Variants in EPHB1 observed in about 807,000 individuals in gnomAD.
EPHB1 encodes the protein ephrin type-B receptor 1.
In EPHB1, 30 loss-of-function variants were observed where a neutral mutation model predicts 94.4. The observed-to-expected ratio is 0.32, with a 90% CI of 0.24 to 0.43. EPHB1 has a LOEUF of 0.43. Among genes scored for constraint, EPHB1 ranks in the 20% least tolerant of loss-of-function variants. The pLI, the probability that EPHB1 is intolerant of heterozygous loss-of-function variation, is 1.00. For synonymous variants in EPHB1, 522 were observed against 489.1 expected, an observed-to-expected ratio of 1.07 and a Z score of -0.89; for missense variants, 1,055 against 1,308.3, an observed-to-expected ratio of 0.81 and a Z score of 2.99.
At chr3:135,244,084 C>G (rs565447295) in intron 13 of EPHB1, among the ~76,000 whole-genome samples, 1 of 152,308 alleles carries the variant, frequency 6.6e-6, no homozygotes, top group East Asian at 1.9e-4. Context: ...AGGAGGGGCT[C>G]TGCCCACTTC....
chr3:135,213,793 T>G (rs1943081791), intron 12 of EPHB1, among the ~76,000 whole-genome samples: 1 of 152,162 alleles, frequency 6.6e-6, no homozygotes, highest in Non-Finnish European at 1.5e-5. Context: ...TAATTTTCCC[T>G]TCTTAGTATT....
chr3:135,236,462 C>G (rs1367932222), intron 12 of EPHB1, among the ~76,000 whole-genome samples: 1 of 152,092 alleles, frequency 6.6e-6, no homozygotes, highest in Non-Finnish European at 1.5e-5. Flanking sequence ...TTCAACATGT[C>G]TTTTGTGGGG....
chr3:134,980,168 C>T (rs1934350799), intron 3 of EPHB1, among the ~76,000 whole-genome samples: 1 of 152,108 alleles, frequency 6.6e-6, no homozygotes, highest in African/African-American at 2.4e-5. Context: ...TGCATGGTAC[C>T]TGGACTGAGA....
chr3:134,975,609 C>G (rs1467101075), intron 3 of EPHB1, among the ~76,000 whole-genome samples: 1 of 152,112 alleles, frequency 6.6e-6, no homozygotes, highest in Non-Finnish European at 1.5e-5. Context: ...GAGGGCTTTG[C>G]TTACATGATC....
At chr3:134,935,469 A>C (rs1374833619) in intron 2 of EPHB1, among the ~76,000 whole-genome samples, 1 of 152,264 alleles carries the variant, frequency 6.6e-6, no homozygotes, top group African/African-American at 2.4e-5. Flanking sequence ...ATGAAGGATC[A>C]TGCCCAGGAT....
intron 1 of EPHB1, among the ~76,000 whole-genome samples, chr3:134,847,802 G>A (rs1322076515): frequency 6.6e-6 from 1 of 152,156 alleles, no homozygotes; most frequent in African/African-American, 2.4e-5. Flanking sequence ...CATAAGTGTT[G>A]TGTTTTTAAA....
chr3:134,812,676 C>T (rs1185540883), intron 1 of EPHB1, among the ~76,000 whole-genome samples: 1 of 152,212 alleles, frequency 6.6e-6, no homozygotes, highest in East Asian at 1.9e-4. Context: ...TGGTAAGATA[C>T]TGCCAGTCTG....
At chr3:135,041,865 G>C (rs1022781934) in intron 3 of EPHB1, among the ~76,000 whole-genome samples, 2 of 151,786 alleles carry the variant, frequency 1.3e-5, no homozygotes, top group Non-Finnish European at 2.9e-5. Flanking sequence ...GATGGGCAAA[G>C]AGAGGGCACC....
At chr3:135,085,125 C>T (rs577903736) in intron 3 of EPHB1, among the ~76,000 whole-genome samples, 2 of 152,294 alleles carry the variant, frequency 1.3e-5, no homozygotes, top group African/African-American at 4.8e-5. Context: ...GGGCCACTGG[C>T]TTTAATAATA....
intron 1 of EPHB1, among the ~76,000 whole-genome samples, chr3:134,894,867 A>G (rs2038057128): frequency 6.6e-6 from 1 of 152,140 alleles, no homozygotes. Context: ...TTATTCCCCT[A>G]ACTGGTGTTT....
Position 135,259,072 on chromosome 3 carries a change from T to C in EPHB1, c.2907T>C (p.Ile969=). 1 of 1,610,958 alleles carries C rather than the reference T, an allele frequency of 6.2e-7. No homozygotes were observed. Among genetic ancestry groups the C allele is most frequent in the South Asian group, 1.1e-5 (1 of 89,794 alleles). The change falls in exon 16 of 16, where the codon ATT becomes ATC. Residue 969 remains isoleucine (I), a synonymous_variant. Coordinates refer to ENST00000398015, the MANE Select transcript of EPHB1 (RefSeq NM_004441.5). ...AGHQKKILNS[I]HSMRVQISQS... Reference sequence around the variant, plus strand: ...ATCAGAAGAAGATCCTGAACAGCATTCATTCTATGAGGGTCCAGATAAGTC... The same window carrying C: ...ATCAGAAGAAGATCCTGAACAGCATCCATTCTATGAGGGTCCAGATAAGTC...
chr3:135,111,173 C>T (rs1939428287), intron 4 of EPHB1, among the ~76,000 whole-genome samples: 1 of 152,130 alleles, frequency 6.6e-6, no homozygotes. Context: ...AATAAGATCC[C>T]CACTGATGGT....
intron 3 of EPHB1, among the ~76,000 whole-genome samples, chr3:135,056,384 C>T (rs1036584219): frequency 6.6e-6 from 1 of 152,212 alleles, no homozygotes; most frequent in Non-Finnish European, 1.5e-5. Flanking sequence ...GCAGAGCAGC[C>T]GTGCTGGGCT....
At chr3:135,162,628 A>T (rs1283731651) in intron 7 of EPHB1, among the ~76,000 whole-genome samples, 1 of 152,216 alleles carries the variant, frequency 6.6e-6, no homozygotes, top group African/African-American at 2.4e-5. Flanking sequence ...AGTCTCATGC[A>T]CCTGGGATCT....
At chr3:134,958,421 T>A (rs373100123) in intron 3 of EPHB1, among the ~76,000 whole-genome samples, 27,334 of 147,102 alleles carry the variant, frequency 0.19, 2,844 homozygotes, top group Middle Eastern at 0.3. Context: ...GGAGTGTGTG[T>A]GTGTGTGTGT....
intron 3 of EPHB1, among the ~76,000 whole-genome samples, chr3:134,964,771 A>G (rs746124934): frequency 6.6e-6 from 1 of 151,876 alleles, no homozygotes; most frequent in Non-Finnish European, 1.5e-5. Flanking sequence ...CTTTTCCTCC[A>G]TTTATTCCGT....
Position 134,951,367 on chromosome 3 carries a change from A to T in EPHB1, c.124-4A>T, listed in dbSNP as rs771963295. ...TGTGTGTGCCTGTGGCCTGCTATGT[A>T]CAGTGGGAAGAAGTCAGTGGCTACG... is the stretch of plus-strand genomic sequence containing the variant. On this transcript the variant is annotated splice_polypyrimidine_tract_variant and splice_region_variant and intron_variant, in intron 2 of 15. Transcript: ENST00000398015. This position sits in a 1 kb window ranked among gnomAD's most constrained non-coding sequence, Gnocchi z 4.5. 1.3e-6 allele frequency: 2 copies of T among 1,556,456 alleles called. No homozygotes were observed. The highest frequency in any genetic ancestry group is 2.5e-5 in the South Asian group (2 of 81,006).
intron 11 of EPHB1, among the ~76,000 whole-genome samples, chr3:135,199,286 A>T (rs1264545997): frequency 6.6e-5 from 10 of 152,210 alleles, no homozygotes; most frequent in Non-Finnish European, 5.9e-5. Flanking sequence ...TAGAAATTGC[A>T]TGACAACTTT....
chr3:135,118,312 C>A (rs1430185045), intron 4 of EPHB1, among the ~76,000 whole-genome samples: 1 of 152,196 alleles, frequency 6.6e-6, no homozygotes. Context: ...GGAATAAGAA[C>A]ACATGTGCAT....
Sources: gnomAD v4.1 joint callset for allele counts (sites outside exome capture counted in the v4.1 genomes callset) on GRCh38, gnomAD v4.1.1 for gene constraint, Gnocchi (gnomAD v3.1) non-coding constraint, MANE v1.5 for transcripts, NCBI Gene and HGNC (gene_info 2026-07-23, HGNC 2026-07-21) for gene names.